PLPP4: variants seen among roughly 807,000 people sequenced by gnomAD.
PLPP4 encodes diacylglycerol pyrophosphate like 2.
A neutral mutation model predicts 32.2 loss-of-function variants in PLPP4; 20 were observed. The observed-to-expected ratio is 0.62, with a 90% confidence interval of 0.44 to 0.90. The LOEUF is 0.90. PLPP4 is among the 40% of genes least tolerant of loss of function. PLPP4 has a pLI of 0.00. For missense variants in PLPP4, 257 were observed against 353.1 expected, an observed-to-expected ratio of 0.73 and a Z score of 2.18; for synonymous variants, 127 against 133.0, an observed-to-expected ratio of 0.95 and a Z score of 0.31.
chr10:120,521,246 A>G, intron 5 of PLPP4, 151 bp downstream of exon 5: 5 of 954,582 alleles, frequency 5.2e-6, no homozygotes, highest in South Asian at 1.8e-5. Context: ...TAGAAACAAG[A>G]TTATTCAACA....
intron 5 of PLPP4, among the ~76,000 whole-genome samples, chr10:120,565,246 C>T (rs915592773): frequency 6.6e-6 from 1 of 151,694 alleles, no homozygotes; most frequent in Non-Finnish European, 1.5e-5. Flanking sequence ...CTTAGCATTC[C>T]CTCGTGTATC....
chr10:120,513,443 C>G (rs1261808776), intron 2 of PLPP4, among the ~76,000 whole-genome samples: 2 of 152,172 alleles, frequency 1.3e-5, no homozygotes, highest in Non-Finnish European at 2.9e-5. Context: ...ACGGACTAAA[C>G]TCTGCTTTGC....
At chr10:120,567,847 G>A (rs1281460554) in intron 5 of PLPP4, among the ~76,000 whole-genome samples, 2 of 152,128 alleles carry the variant, frequency 1.3e-5, no homozygotes, top group African/African-American at 4.8e-5. Context: ...AAATTCAGAT[G>A]GCATAAGTAA....
At chr10:120,464,479 TG>T (rs1201648655) in intron 1 of PLPP4, among the ~76,000 whole-genome samples, 19 of 152,300 alleles carry the variant, frequency 1.2e-4, no homozygotes, top group African/African-American at 4.3e-4. Context: ...CTCCTGGAAG[TG>T]TATTTCTAAT....
chr10:120,495,705 A>G (rs528925143), intron 1 of PLPP4, among the ~76,000 whole-genome samples: 2 of 152,266 alleles, frequency 1.3e-5, no homozygotes, highest in African/African-American at 2.4e-5. Flanking sequence ...AGAATAACCA[A>G]ATGATGCAGA....
chr10:120,567,618 T>G (rs1469826829), intron 5 of PLPP4, among the ~76,000 whole-genome samples: 1 of 152,238 alleles, frequency 6.6e-6, no homozygotes, highest in African/African-American at 2.4e-5. Context: ...GCTTGGACAC[T>G]ATCTTGAGGG....
intron 1 of PLPP4, chr10:120,503,595 C>T: frequency 6.2e-7 from 1 of 1,610,146 alleles, no homozygotes; most frequent in Non-Finnish European, 8.5e-7. Context: ...GGAATTGGTC[C>T]TTCTGGCAGG....
intron 1 of PLPP4, among the ~76,000 whole-genome samples, chr10:120,469,679 C>G (rs574621220): frequency 6.6e-6 from 1 of 152,130 alleles, no homozygotes; most frequent in Admixed American, 6.5e-5. Context: ...AAGTATAAGG[C>G]TCCTGGAACC....
intron 1 of PLPP4, among the ~76,000 whole-genome samples, chr10:120,495,520 C>G (rs544272530): frequency 6.6e-6 from 1 of 152,042 alleles, no homozygotes; most frequent in South Asian, 2.1e-4. Context: ...CCCCATTGCC[C>G]GAGAGAGAGG....
chr10:120,483,793 T>G (rs1844320398), intron 1 of PLPP4, among the ~76,000 whole-genome samples: 1 of 152,202 alleles, frequency 6.6e-6, no homozygotes, highest in African/African-American at 2.4e-5. Flanking sequence ...GTCTCTTACT[T>G]TTTTTCTGGC....
At chr10:120,473,346 G>A (rs1848598513) in intron 1 of PLPP4, among the ~76,000 whole-genome samples, 1 of 151,970 alleles carries the variant, frequency 6.6e-6, no homozygotes, top group African/African-American at 2.4e-5. Context: ...CTGGGACATG[G>A]TTTTTACTCC....
intron 5 of PLPP4, among the ~76,000 whole-genome samples, chr10:120,551,394 T>C (rs1269617087): frequency 6.6e-6 from 1 of 152,156 alleles, no homozygotes; most frequent in Non-Finnish European, 1.5e-5. Context: ...CCAAGAGAAA[T>C]AAAAACATAC....
At chr10:120,568,976 C>T (rs1478257347) in intron 5 of PLPP4, among the ~76,000 whole-genome samples, 2 of 152,202 alleles carry the variant, frequency 1.3e-5, no homozygotes, top group Admixed American at 6.6e-5. Flanking sequence ...CGGTGGCTCA[C>T]GACTGTAATC....
intron 5 of PLPP4, among the ~76,000 whole-genome samples, chr10:120,542,550 G>C (rs1013102296): frequency 3.3e-5 from 5 of 152,140 alleles, no homozygotes; most frequent in Non-Finnish European, 7.3e-5. Context: ...AATTGCACAG[G>C]CTTGGCCATG....
At chr10:120,545,691 GGATA>G (rs1437975166) in intron 5 of PLPP4, among the ~76,000 whole-genome samples, 1 of 152,188 alleles carries the variant, frequency 6.6e-6, no homozygotes, top group Non-Finnish European at 1.5e-5. Flanking sequence ...AAGGAAGGTT[GGATA>G]GGGGTTTGGC....
At chr10:120,511,286 C>G (rs1441197341) in intron 2 of PLPP4, among the ~76,000 whole-genome samples, 1 of 152,168 alleles carries the variant, frequency 6.6e-6, no homozygotes, top group East Asian at 1.9e-4. Context: ...AGCCTGCACA[C>G]CTGGCCTTGA....
chr10:120,459,411 A>G (rs1252176960), intron 1 of PLPP4, among the ~76,000 whole-genome samples: 1 of 152,196 alleles, frequency 6.6e-6, no homozygotes, highest in Non-Finnish European at 1.5e-5. Flanking sequence ...AGTATCAGGC[A>G]TGTACCGACT....
At chr10:120,527,265 T>C (rs1846442885) in intron 5 of PLPP4, among the ~76,000 whole-genome samples, 1 of 152,130 alleles carries the variant, frequency 6.6e-6, no homozygotes, top group African/African-American at 2.4e-5. Flanking sequence ...CAGGTAAGAA[T>C]TGATGTTACA....
intron 5 of PLPP4, among the ~76,000 whole-genome samples, chr10:120,532,195 A>G (rs963587695): frequency 5.3e-5 from 8 of 152,106 alleles, no homozygotes; most frequent in Non-Finnish European, 1.2e-4. Context: ...GTTTACTAAG[A>G]ATGATGGTTT....
Sources: allele counts gnomAD v4.1 joint callset (sites outside exome capture counted in the v4.1 genomes callset), GRCh38; gene constraint gnomAD v4.1.1; transcripts MANE v1.5; gene names NCBI Gene and HGNC (gene_info 2026-07-23, HGNC 2026-07-21).